PSORS1C1: variants seen among roughly 807,000 people sequenced by gnomAD.
PSORS1C1 encodes the protein psoriasis susceptibility 1 candidate gene 1 protein.
A neutral mutation model predicts 9.4 loss-of-function variants in PSORS1C1; 7 were observed. The ratio of observed to expected loss-of-function variants is 0.75; its 90% confidence interval spans 0.42 to 1.40. PSORS1C1 has a LOEUF of 1.40. PSORS1C1 is among the 40% of genes most tolerant of loss of function. PSORS1C1 has a pLI of 0.01. For missense variants in PSORS1C1, 146 were observed against 178.1 expected (o/e 0.82, Z 1.02); for synonymous variants, 63 against 69.4 (o/e 0.91, Z 0.46).
At chr6:31,116,800 G>T in intron 1 of PSORS1C1, 1 of 1,613,862 alleles carries the variant, frequency 6.2e-7, no homozygotes, top group Non-Finnish European at 8.5e-7. Flanking sequence ...ATTGCTACAG[G>T]GGGGACCTTG....
rs201665595 is a variant in PSORS1C1 at position 31,118,837 on chromosome 6, C to CTTTTTTTTTTTTTTTTTTTT, written c.-229+3948_-229+3949insTTTTTTTTTTTTTTTTTTTT. The CTTTTTTTTTTTTTTTTTTTT allele has an allele frequency of 1.3e-4, 12 of 92,490 alleles. 4 individuals are homozygous for CTTTTTTTTTTTTTTTTTTTT. Among genetic ancestry groups the CTTTTTTTTTTTTTTTTTTTT allele is most frequent in the African/African-American group, 2.3e-4 (5 of 22,042 alleles). The allele number at this position is 92,490 out of a possible 1,614,324, so 5.7% of individuals were successfully genotyped here. ...ATCATCCACCTGGAAGTTTTTTCTT[C>CTTTTTTTTTTTTTTTTTTTT]TTCTTCTTTTTTTTTTTTTTTTTTG... On this transcript the variant is annotated intron_variant, in intron 1 of 5. Coordinates refer to ENST00000259881, the MANE Select transcript of PSORS1C1 (RefSeq NM_014068.3).
chr6:31,123,700 G>A (rs557937445), intron 1 of PSORS1C1, among the ~76,000 whole-genome samples: 50 of 152,322 alleles, frequency 3.3e-4, no homozygotes, highest in African/African-American at 1.1e-3. Context: ...GTCCCCTCTG[G>A]TCCCCTCCAC....
chr6:31,126,736 G>A (rs2150967197), intron 2 of PSORS1C1, among the ~76,000 whole-genome samples: 1 of 152,282 alleles, frequency 6.6e-6, no homozygotes, highest in Admixed American at 6.5e-5. Context: ...TGAAAGAGGA[G>A]GAATTTGGCA....
In PSORS1C1 at chr6:31,115,975, G is replaced by A. The variant is rs1407958401; in HGVS notation, c.-229+1084G>A. 2.0e-6 allele frequency: 3 copies of A among 1,502,296 alleles called. No homozygotes were observed. Among genetic ancestry groups the A allele is most frequent in the East Asian group, 2.3e-5 (1 of 44,176 alleles). 93.1% of individuals were successfully genotyped at this position (1,502,296 alleles called of 1,614,324 possible). ...GGACTTCTCCCATATGGGATATAGT[G>A]TATGTGCTTGTTTGTGCCCAAGGCA... On this transcript the variant is annotated intron_variant, in intron 1 of 5. Coordinates refer to ENST00000259881, the MANE Select transcript of PSORS1C1 (RefSeq NM_014068.3). This position sits in a 1 kb window ranked among gnomAD's most constrained non-coding sequence, Gnocchi z 4.2.
At chr6:31,135,271 C>G (rs1216526193) in intron 3 of PSORS1C1, among the ~76,000 whole-genome samples, 1 of 152,146 alleles carries the variant, frequency 6.6e-6, no homozygotes, top group East Asian at 1.9e-4. Flanking sequence ...GAGTCTCACT[C>G]TGTCTCCCAG....
chr6:31,134,283 A>C (rs958170136), intron 3 of PSORS1C1, among the ~76,000 whole-genome samples: 1 of 146,490 alleles, frequency 6.8e-6, no homozygotes, highest in African/African-American at 2.5e-5. Context: ...GCCTGATCTC[A>C]TGTGTAGTTT....
chr6:31,133,824 G>A (rs1773023372), intron 3 of PSORS1C1: 1 of 152,118 alleles, frequency 6.6e-6, no homozygotes, highest in African/African-American at 2.4e-5. Flanking sequence ...TGGACACATT[G>A]AGGAAGTAAG....
chr6:31,124,262 G>A (rs1419797474), intron 1 of PSORS1C1, among the ~76,000 whole-genome samples: 1 of 152,174 alleles, frequency 6.6e-6, no homozygotes, highest in Non-Finnish European at 1.5e-5. Flanking sequence ...TCCGAGGCCA[G>A]CTGGGGCAAG....
intron 3 of PSORS1C1, chr6:31,137,737 G>C (rs2150978108): frequency 2.5e-6 from 1 of 402,292 alleles, no homozygotes; most frequent in East Asian, 3.6e-5. Flanking sequence ...GGCTGTCAGA[G>C]GAAAAAACGG....
At position 31,139,039 on chromosome 6, in the gene PSORS1C1, G is replaced by A. The variant is rs201249978; in HGVS notation, c.167+260G>A. The A allele has an allele frequency of 5.6e-5, 90 of 1,613,692 alleles. No homozygotes were observed. The East Asian group carries it at 1.3e-3, about 23-fold the overall frequency. On this transcript the variant is annotated intron_variant, in intron 5 of 5. Coordinates refer to ENST00000259881, the MANE Select transcript of PSORS1C1 (RefSeq NM_014068.3). This position sits in a 1 kb window ranked among gnomAD's most constrained non-coding sequence, Gnocchi z 5.2. ...AGTTGAGGATCATGGCTATGTACTG[G>A]CCCCCAAAGCTGGGGTGGGCTGAGT...
Position 31,138,778 on chromosome 6 carries a change from T to C in PSORS1C1, c.166T>C (p.Trp56Arg). The part of the protein sequence containing the change: ...LCHMEPANHF[W>R]HAGDLQAMIS... ...CCACATGGAGCCAGCAAACCATTTC[T>C]GGTGAGAGCCAAATGCACCTTCTGC... The change falls in exon 5 of 6, where the codon TGG becomes CGG. Residue 56 changes from tryptophan to arginine, a missense_variant and splice_region_variant. By Grantham distance (101) the Trp-to-Arg change is moderately radical (BLOSUM62 -3). Coordinates refer to ENST00000259881, the MANE Select transcript of PSORS1C1 (RefSeq NM_014068.3). The C allele has an allele frequency of 1.2e-6, 2 of 1,614,172 alleles. No individual in the cohort carries two copies. The highest frequency in any genetic ancestry group is 8.5e-7 in the Non-Finnish European group (1 of 1,180,012).
chr6:31,140,034 T>A lies in PSORS1C1; in HGVS notation c.*102T>A, dbSNP rs1204775449. 8.6e-7 allele frequency: 1 copy of A among 1,167,636 alleles called. No individual in the cohort carries two copies. Among genetic ancestry groups the A allele is most frequent in the Non-Finnish European group, 1.2e-6 (1 of 810,250 alleles). 72.3% of individuals were successfully genotyped at this position (1,167,636 alleles called of 1,614,324 possible). Reference sequence around the variant, plus strand: ...CATGTCCAAAATAAAATTTGATTCCTCCCAGGTTGTTCCCTGCCTGGTCCG... The same window carrying A: ...CATGTCCAAAATAAAATTTGATTCCACCCAGGTTGTTCCCTGCCTGGTCCG... On this transcript the variant is annotated 3_prime_UTR_variant, in exon 6 of 6. Transcript: ENST00000259881. The surrounding 1 kb of genome is among the most constrained non-coding windows in gnomAD (Gnocchi z 4.6).
chr6:31,138,236 T>C, intron 3 of PSORS1C1, 194 bp from the exon 4 acceptor site: 2 of 1,566,510 alleles, frequency 1.3e-6, no homozygotes, highest in Non-Finnish European at 1.7e-6. Flanking sequence ...CCTGAGGCAA[T>C]GTTGGGGAGC....
chr6:31,117,577 C>G, intron 1 of PSORS1C1: 1 of 1,485,786 alleles, frequency 6.7e-7, no homozygotes. Context: ...GCTTGGCTTC[C>G]TCCCTCACCT....
Position 31,139,534 on chromosome 6 carries a change from C to A in PSORS1C1, c.168-107C>A, listed in dbSNP as rs973794685. 9.3e-7 allele frequency: 1 copy of A among 1,079,956 alleles called. No homozygotes were observed. The highest frequency in any genetic ancestry group is 1.5e-5 in the South Asian group (1 of 66,120). The allele number at this position is 1,079,956 out of a possible 1,614,324, so 66.9% of individuals were successfully genotyped here. ...GTGTCAGCTACTACCCCAGCCTCCCCACTCACCCCCGCACTGAAAGCTCCC... is the reference window on the plus strand; with the variant it reads ...GTGTCAGCTACTACCCCAGCCTCCCAACTCACCCCCGCACTGAAAGCTCCC... On this transcript the variant is annotated intron_variant, in intron 5 of 5. Transcript: ENST00000259881. This position sits in a 1 kb window ranked among gnomAD's most constrained non-coding sequence, Gnocchi z 5.2.
intron 1 of PSORS1C1, among the ~76,000 whole-genome samples, chr6:31,124,022 G>T (rs1278467110): frequency 1.3e-5 from 2 of 152,188 alleles, no homozygotes; most frequent in African/African-American, 4.8e-5. Flanking sequence ...GGATGGCGTG[G>T]GTTGGTGTGG....
intron 3 of PSORS1C1, among the ~76,000 whole-genome samples, chr6:31,134,472 T>A (rs1164634757): frequency 1.3e-5 from 2 of 151,478 alleles, no homozygotes; most frequent in Non-Finnish European, 1.5e-5. Context: ...CCGGCTAATT[T>A]TTTTTGTATT....
intron 3 of PSORS1C1, chr6:31,133,673 T>C (rs963318430): frequency 1.3e-5 from 2 of 152,268 alleles, no homozygotes; most frequent in African/African-American, 4.8e-5. Flanking sequence ...ATGTCATTAT[T>C]AGGAAATATG....
At chr6:31,133,181 C>T (rs1022987256) in intron 3 of PSORS1C1, among the ~76,000 whole-genome samples, 6 of 151,876 alleles carry the variant, frequency 4.0e-5, no homozygotes, top group Non-Finnish European at 5.9e-5. Context: ...AGAAGAAATG[C>T]GTAGAACACA....
Sources: allele counts gnomAD v4.1 joint callset (sites outside exome capture counted in the v4.1 genomes callset), GRCh38; gene constraint gnomAD v4.1.1; non-coding constraint Gnocchi (gnomAD v3.1); transcripts MANE v1.5; gene names NCBI Gene and HGNC (gene_info 2026-07-23, HGNC 2026-07-21).